The following SLC22A25 variants were observed in gnomAD, a reference collection of about 807,000 sequenced individuals.
SLC22A25 encodes solute carrier family 22 member 25.
SLC22A25 carries 44 observed loss-of-function variants against 45.9 expected under a neutral mutation model. That is an observed-to-expected ratio of 0.96 (90% CI 0.75 to 1.23). The LOEUF (loss-of-function observed/expected upper bound fraction) is 1.23, where lower values mean the gene tolerates loss of function less well. SLC22A25 is among the 50% of genes most tolerant of loss of function. The pLI is 0.00. For missense variants in SLC22A25, 800 were observed against 666.4 expected (o/e 1.20, Z -2.21); for synonymous variants, 283 against 238.6 (o/e 1.19, Z -1.72).
At chr11:63,188,111 G>A (rs2088637020) in intron 7 of SLC22A25, among the ~76,000 whole-genome samples, 1 of 152,222 alleles carries the variant, frequency 6.6e-6, no homozygotes, top group South Asian at 2.1e-4. Flanking sequence ...AATAGTTTCA[G>A]AAGGAATGAT....
At chr11:63,177,420 T>G (rs2088132065) in intron 9 of SLC22A25, among the ~76,000 whole-genome samples, 1 of 151,964 alleles carries the variant, frequency 6.6e-6, no homozygotes, top group East Asian at 1.9e-4. Context: ...CTGGCTATTT[T>G]GAAATATACA....
intron 9 of SLC22A25, among the ~76,000 whole-genome samples, chr11:63,173,256 T>C (rs367801314): frequency 2.5e-4 from 38 of 152,118 alleles, no homozygotes; most frequent in African/African-American, 8.4e-4. Context: ...TTGGGACAAA[T>C]ACCTAATGCA....
At chr11:63,191,263 A>C (rs1357318891) in intron 7 of SLC22A25, among the ~76,000 whole-genome samples, 1 of 152,142 alleles carries the variant, frequency 6.6e-6, no homozygotes, top group African/African-American at 2.4e-5. Flanking sequence ...CCCCTCCCCC[A>C]GCCTCGCTGC....
chr11:63,185,500 G>C (rs2088495864), intron 7 of SLC22A25, among the ~76,000 whole-genome samples: 1 of 151,062 alleles, frequency 6.6e-6, no homozygotes, highest in East Asian at 2.0e-4. Context: ...GTATTCCATG[G>C]TGTATATGTG....
At chr11:63,190,820 C>G (rs1001361343) in intron 7 of SLC22A25, among the ~76,000 whole-genome samples, 6 of 152,084 alleles carry the variant, frequency 3.9e-5, no homozygotes, top group African/African-American at 7.2e-5. Context: ...TACTCCAGAC[C>G]CTGTTTGTCT....
chr11:63,200,856 A>G (rs1371435365), intron 7 of SLC22A25, among the ~76,000 whole-genome samples: 1 of 152,206 alleles, frequency 6.6e-6, no homozygotes, highest in Non-Finnish European at 1.5e-5. Context: ...ATTCCTGTAC[A>G]CCAACAACAG....
At chr11:63,214,099 G>C (rs959885355) in intron 7 of SLC22A25, among the ~76,000 whole-genome samples, 1 of 152,164 alleles carries the variant, frequency 6.6e-6, no homozygotes, top group Non-Finnish European at 1.5e-5. Flanking sequence ...TGGTCCAGGT[G>C]GTCCCCAGAT....
At chr11:63,234,884 C>T (rs1030390982) in intron 3 of SLC22A25, among the ~76,000 whole-genome samples, 3 of 152,126 alleles carry the variant, frequency 2.0e-5, no homozygotes, top group African/African-American at 7.2e-5. Flanking sequence ...TTTCATTTCT[C>T]CTTCACTAAT....
In SLC22A25 at chr11:63,229,268, A is replaced by G. The variant is rs2090022674; in HGVS notation, c.385T>C (p.Ser129Pro). The G allele has an allele frequency of 1.3e-6, 2 of 1,536,716 alleles. No homozygotes were observed. Among genetic ancestry groups the G allele is most frequent in the East Asian group, 4.5e-5 (2 of 44,106 alleles). Reference protein sequence around the residue: ...GWVYDQSSFPSTIVTKWDLVC... With the variant: ...GWVYDQSSFPPTIVTKWDLVC... Reference sequence around the variant, plus strand: ...CCTCTTACCTTAGTCACAATGGTGGAAGGGAAGGAGCTTTGGTCATATACC... The same window carrying G: ...CCTCTTACCTTAGTCACAATGGTGGGAGGGAAGGAGCTTTGGTCATATACC... The change falls in exon 4 of 12, where the codon TCC (serine) becomes CCC (proline). Residue 129 changes from serine (S) to proline (P), a missense_variant. Physicochemically the swap from Ser to Pro is moderately conservative, Grantham distance 74. Transcript: ENST00000306494.
chr11:63,203,057 G>A (rs2089296029), intron 7 of SLC22A25, among the ~76,000 whole-genome samples: 1 of 152,182 alleles, frequency 6.6e-6, no homozygotes, highest in Non-Finnish European at 1.5e-5. Flanking sequence ...CAGACCTGCG[G>A]CAGAGGGGCC....
intron 7 of SLC22A25, among the ~76,000 whole-genome samples, chr11:63,199,787 A>G (rs1852068): frequency 2.0e-5 from 3 of 151,846 alleles, no homozygotes; most frequent in African/African-American, 4.8e-5. Flanking sequence ...CACTACCCAA[A>G]AATCAATAGG....
In SLC22A25 at chr11:63,229,431, T is replaced by C. The variant is rs747876126; in HGVS notation, c.222A>G (p.Arg74=). The change falls in exon 4 of 12, where the codon AGA becomes AGG. Residue 74 remains arginine (R), a synonymous_variant. Coordinates refer to ENST00000306494, the MANE Select transcript of SLC22A25 (RefSeq NM_199352.6). Reference sequence around the variant, plus strand: ...GATTTGAGTCGAATGGGATGGAGATTCTCAGGAGGGCATCCTGGCTGAGGG... The same window carrying C: ...GATTTGAGTCGAATGGGATGGAGATCCTCAGGAGGGCATCCTGGCTGAGGG... The part of the protein sequence containing the change: ...PGTLSQDALL[R]ISIPFDSNLR... 1 of 1,614,094 alleles carries C rather than the reference T, an allele frequency of 6.2e-7. No individual in the cohort carries two copies. Among genetic ancestry groups the C allele is most frequent in the Admixed American group, 1.7e-5 (1 of 60,024 alleles).
chr11:63,224,444 G>A (rs972629852), intron 5 of SLC22A25, among the ~76,000 whole-genome samples: 4 of 152,052 alleles, frequency 2.6e-5, no homozygotes, highest in Non-Finnish European at 2.9e-5. Flanking sequence ...TTATTGATAA[G>A]TAAGGACTTA....
intron 7 of SLC22A25, among the ~76,000 whole-genome samples, chr11:63,195,538 G>C (rs1201891739): frequency 6.6e-6 from 1 of 152,144 alleles, no homozygotes; most frequent in Non-Finnish European, 1.5e-5. Context: ...CAGAAATAAA[G>C]ATGTTCTTTG....
chr11:63,165,893 C>T, intron 10 of SLC22A25, 151 bp downstream of exon 10: 2 of 1,014,818 alleles, frequency 2.0e-6, no homozygotes, highest in Non-Finnish European at 2.8e-6. Context: ...TTCCGTGTGG[C>T]AAAATCTGTC....
Position 63,228,537 on chromosome 11 carries a change from G to A in SLC22A25, c.430C>T (p.Leu144=), listed in dbSNP as rs367756538. The A allele has an allele frequency of 2.5e-6, 4 of 1,613,582 alleles. No individual in the cohort carries two copies. The highest frequency in any genetic ancestry group is 3.4e-6 in the Non-Finnish European group (4 of 1,179,870). ...KWDLVCESQP[L]NSVAKFLFMA... ...AATAGAAATTTAGCTACTGAATTCA[G>A]TGGTTGAGATTCGCATACCAGATCC... Residue 144 remains leucine, a synonymous_variant, in exon 5 of 12, where the codon CTG becomes TTG. Transcript: ENST00000306494.
intron 9 of SLC22A25, chr11:63,166,572 C>G: frequency 4.8e-6 from 5 of 1,042,964 alleles, no homozygotes; most frequent in Non-Finnish European, 4.6e-6. Flanking sequence ...CATCAAAAAT[C>G]ACTGCAAAAA....
chr11:63,213,221 C>T (rs2089624254), intron 7 of SLC22A25, among the ~76,000 whole-genome samples: 1 of 152,040 alleles, frequency 6.6e-6, no homozygotes, highest in African/African-American at 2.4e-5. Context: ...ATGAGGCTAT[C>T]AAAGGAAAGG....
intron 7 of SLC22A25, among the ~76,000 whole-genome samples, chr11:63,196,390 C>G (rs2089031828): frequency 6.6e-6 from 1 of 152,118 alleles, no homozygotes; most frequent in African/African-American, 2.4e-5. Flanking sequence ...AGCAGCACAT[C>G]AAAAACCTTA....
Sources: allele counts gnomAD v4.1 joint callset (sites outside exome capture counted in the v4.1 genomes callset), GRCh38; gene constraint gnomAD v4.1.1; transcripts MANE v1.5; gene names NCBI Gene and HGNC (gene_info 2026-07-23, HGNC 2026-07-21).